MBNL1: variants seen among roughly 807,000 people sequenced by gnomAD.
The protein encoded by MBNL1 is muscleblind-like protein 1.
In MBNL1, 8 loss-of-function variants were observed where a neutral mutation model predicts 42.2. That is an observed-to-expected ratio of 0.19 (90% CI 0.11 to 0.34). The LOEUF is 0.34. MBNL1 is among the 10% of genes least tolerant of loss of function. The pLI is 1.00. For synonymous variants in MBNL1, 169 were observed against 173.9 expected (o/e 0.97, Z 0.22); for missense variants, 309 against 495.3 (o/e 0.62, Z 3.57).
intron 2 of MBNL1, among the ~76,000 whole-genome samples, chr3:152,251,455 T>G (rs2034516229): frequency 6.6e-6 from 1 of 152,108 alleles, no homozygotes; most frequent in Non-Finnish European, 1.5e-5. Flanking sequence ...TAGAATACAT[T>G]GCTATTAATT....
chr3:152,439,870 A>AATC (rs1406192726), intron 4 of MBNL1, among the ~76,000 whole-genome samples: 1 of 152,084 alleles, frequency 6.6e-6, no homozygotes, highest in Non-Finnish European at 1.5e-5. Context: ...TAATAATAAT[A>AATC]ATAACATAAA....
At chr3:152,454,651 A>T (rs1009659267) in intron 6 of MBNL1, among the ~76,000 whole-genome samples, 1 of 152,198 alleles carries the variant, frequency 6.6e-6, no homozygotes, top group African/African-American at 2.4e-5. Context: ...ATCAGTGCTA[A>T]CACCCCATAT....
chr3:152,315,866 ACT>A (rs113762203), intron 2 of MBNL1, among the ~76,000 whole-genome samples: 27,976 of 148,678 alleles, frequency 0.19, 2,723 homozygotes, highest in Middle Eastern at 0.23. Context: ...ACACACACAC[ACT>A]CTCTCTCTCT....
chr3:152,407,799 A>G (rs1227965616), intron 2 of MBNL1, among the ~76,000 whole-genome samples: 3 of 152,232 alleles, frequency 2.0e-5, no homozygotes, highest in South Asian at 4.1e-4. Context: ...CTATGCAGCC[A>G]TAAAAAGAAA....
At chr3:152,309,354 G>C (rs902216865) in intron 2 of MBNL1, among the ~76,000 whole-genome samples, 1 of 152,152 alleles carries the variant, frequency 6.6e-6, no homozygotes, top group Non-Finnish European at 1.5e-5. Context: ...AAGCTGTCTA[G>C]ATTTATTAAG....
chr3:152,392,814 G>A (rs183752533), intron 2 of MBNL1, among the ~76,000 whole-genome samples: 1 of 152,288 alleles, frequency 6.6e-6, no homozygotes, highest in East Asian at 1.9e-4. Flanking sequence ...GTTTTTTGCA[G>A]TAATGTCAGG....
intron 2 of MBNL1, among the ~76,000 whole-genome samples, chr3:152,382,033 C>A (rs1395184835): frequency 6.6e-6 from 1 of 151,964 alleles, no homozygotes; most frequent in East Asian, 1.9e-4. Context: ...CTTAGTGTAA[C>A]TAAGTAGGCG....
At chr3:152,451,999 A>C (rs1724177693) in intron 6 of MBNL1, among the ~76,000 whole-genome samples, 1 of 152,222 alleles carries the variant, frequency 6.6e-6, no homozygotes. Flanking sequence ...TATCTATTAC[A>C]CGAAGACCTT....
At chr3:152,429,233 A>T (rs528431309) in intron 3 of MBNL1, among the ~76,000 whole-genome samples, 2 of 152,244 alleles carry the variant, frequency 1.3e-5, no homozygotes, top group Non-Finnish European at 2.9e-5. Flanking sequence ...TCATGTTTGC[A>T]TAGTTAACTG....
chr3:152,287,964 C>A (rs952277039), intron 1 of MBNL1, among the ~76,000 whole-genome samples: 2 of 152,058 alleles, frequency 1.3e-5, no homozygotes, highest in Non-Finnish European at 2.9e-5. Context: ...TCTCATGCTC[C>A]CTTATAGTTT....
At chr3:152,399,339 C>CT (rs973833978) in intron 2 of MBNL1, among the ~76,000 whole-genome samples, 1 of 151,942 alleles carries the variant, frequency 6.6e-6, no homozygotes, top group Admixed American at 6.6e-5. Flanking sequence ...CCATTATTAC[C>CT]TTTTTTCTCC....
At chr3:152,313,536 C>G (rs922301120) in intron 2 of MBNL1, among the ~76,000 whole-genome samples, 1 of 152,140 alleles carries the variant, frequency 6.6e-6, no homozygotes, top group Non-Finnish European at 1.5e-5. Flanking sequence ...AGATATAAAT[C>G]ATTTAATGTA....
chr3:152,401,906 C>T (rs892223723), intron 2 of MBNL1, among the ~76,000 whole-genome samples: 2 of 151,868 alleles, frequency 1.3e-5, no homozygotes, highest in African/African-American at 2.4e-5. Context: ...GTGGCAGGCA[C>T]CTGTAGTCCC....
At chr3:152,371,900 A>G (rs2096679128) in intron 2 of MBNL1, among the ~76,000 whole-genome samples, 1 of 152,102 alleles carries the variant, frequency 6.6e-6, no homozygotes, top group South Asian at 2.1e-4. Flanking sequence ...AGTGTTTTCC[A>G]ACTTGGTTCC....
chr3:152,456,500 C>A (rs1734037459), intron 8 of MBNL1, 139 bp downstream of exon 8: 1 of 680,482 alleles, frequency 1.5e-6, no homozygotes. Flanking sequence ...CTTTAATAAG[C>A]ATGGGGTTTC....
At chr3:152,397,812 A>G (rs960177655) in intron 2 of MBNL1, among the ~76,000 whole-genome samples, 7 of 152,192 alleles carry the variant, frequency 4.6e-5, no homozygotes, top group African/African-American at 1.7e-4. Flanking sequence ...TCCCCCCACC[A>G]TAAACCAGTA....
intron 2 of MBNL1, chr3:152,262,997 T>C (rs191738649): frequency 6.6e-6 from 1 of 152,338 alleles, no homozygotes; most frequent in African/African-American, 2.4e-5. Flanking sequence ...TTTATAAATA[T>C]ATTACACATT....
intron 6 of MBNL1, among the ~76,000 whole-genome samples, chr3:152,452,563 C>T (rs1725489558): frequency 6.6e-6 from 1 of 152,202 alleles, no homozygotes; most frequent in Non-Finnish European, 1.5e-5. Flanking sequence ...GGGTTCTGTG[C>T]TTGCCTTGGA....
Position 152,299,785 on chromosome 3 carries a change from A to G in MBNL1, c.-409A>G. The G allele has an allele frequency of 2.5e-6, 1 of 401,772 alleles. No individual in the cohort carries two copies. The highest frequency in any genetic ancestry group is 4.4e-6 in the Non-Finnish European group (1 of 228,178). The allele number at this position is 401,772 out of a possible 1,614,324, so 24.9% of individuals were successfully genotyped here. Reference sequence around the variant, plus strand: ...TTCAGCTGTGAGGAGATTCCCTTTCAGACAACTTTGCTGAAAGCAGCTTGG... The same window carrying G: ...TTCAGCTGTGAGGAGATTCCCTTTCGGACAACTTTGCTGAAAGCAGCTTGG... On this transcript the variant is annotated 5_prime_UTR_variant, in exon 2 of 10. Transcript: ENST00000324210.
Sources: allele counts gnomAD v4.1 joint callset (sites outside exome capture counted in the v4.1 genomes callset), GRCh38; gene constraint gnomAD v4.1.1; transcripts MANE v1.5; gene names NCBI Gene and HGNC (gene_info 2026-07-23, HGNC 2026-07-21).